The following PMFBP1 variants were observed in gnomAD, a reference collection of about 807,000 sequenced individuals.
PMFBP1 encodes polyamine modulated factor 1 binding protein 1, also known as polyamine-modulated factor 1-binding protein 1.
Under a neutral mutation model 137.8 loss-of-function variants are expected in PMFBP1, and 131 were observed. The ratio of observed to expected loss-of-function variants is 0.95; its 90% CI spans 0.82 to 1.10. The LOEUF (loss-of-function observed/expected upper bound fraction) is 1.10. Ranked by LOEUF, PMFBP1 falls within the 50% of genes least tolerant of loss-of-function variation. PMFBP1 has a pLI of 0.00. For synonymous variants in PMFBP1, 490 were observed against 450.4 expected (o/e 1.09, Z -1.11); for missense variants, 1,199 against 1,175.4 (o/e 1.02, Z -0.29).
At chr16:72,116,662 G>A (rs1489369364), downstream of PMFBP1, among the ~76,000 whole-genome samples, 1 of 150,616 alleles carries the variant, frequency 6.6e-6, no homozygotes, top group East Asian at 1.9e-4. Context: ...GTTAATTTTT[G>A]TATAAGGTAT....
chr16:72,130,178 A>G, intron 12 of PMFBP1, 35 bp downstream of exon 12: 4 of 1,606,452 alleles, frequency 2.5e-6, no homozygotes, highest in Non-Finnish European at 3.4e-6. Flanking sequence ...AAGCAGAGCA[A>G]GCACTTGAAT....
chr16:72,135,288 G>A (rs1174662029), intron 9 of PMFBP1, among the ~76,000 whole-genome samples: 3 of 151,564 alleles, frequency 2.0e-5, no homozygotes, highest in Non-Finnish European at 4.4e-5. Context: ...CCATTCTCCT[G>A]CCTCAGCCTC....
intron 17 of PMFBP1, among the ~76,000 whole-genome samples, chr16:72,124,153 A>G (rs2042417853): frequency 6.6e-6 from 1 of 152,148 alleles, no homozygotes; most frequent in Admixed American, 6.5e-5. Flanking sequence ...TGGGACCACA[A>G]GCATAGGCCA....
chr16:72,149,113 C>T (rs1026710007), intron 5 of PMFBP1, among the ~76,000 whole-genome samples: 3 of 152,174 alleles, frequency 2.0e-5, no homozygotes, highest in Non-Finnish European at 4.4e-5. Context: ...TCCCTAAAAA[C>T]GTCCTGCACA....
At chr16:72,128,272 T>C (rs753387726) in intron 14 of PMFBP1, 62 of 789,960 alleles carry the variant, frequency 7.8e-5, no homozygotes, top group Non-Finnish European at 7.8e-5. Context: ...TTTTTACTTG[T>C]GTAATGAAAA....
intron 5 of PMFBP1, among the ~76,000 whole-genome samples, chr16:72,140,893 G>T (rs1257417947): frequency 1.5e-5 from 2 of 136,696 alleles, no homozygotes; most frequent in African/African-American, 2.7e-5. Flanking sequence ...ATGCATATTT[G>T]CATAAAAATC....
chr16:72,126,024 C>T lies in PMFBP1; in HGVS notation c.2197G>A (p.Ala733Thr). ...QTTITKEAYD[A>T]LSRKSAACQD... ...CAGGCGGCTGACTTCCGGGATAATGCATCATAGGCTTCTTTGGTGATGGTA... is the reference window on the plus strand; with the variant it reads ...CAGGCGGCTGACTTCCGGGATAATGTATCATAGGCTTCTTTGGTGATGGTA... The change falls in exon 15 of 21, where the codon GCA (alanine) becomes ACA (threonine). Residue 733 changes from alanine (A) to threonine (T), a missense_variant. Coordinates refer to ENST00000237353, the MANE Select transcript of PMFBP1 (RefSeq NM_031293.3). 1 of 1,614,206 alleles carries T rather than the reference C, an allele frequency of 6.2e-7. No homozygotes were observed. The highest frequency in any genetic ancestry group is 8.5e-7 in the Non-Finnish European group (1 of 1,180,024).
chr16:72,243,930 G>A, the PMFBP1 span, among the ~76,000 whole-genome samples: 1 of 152,102 alleles, frequency 6.6e-6, no homozygotes, highest in Non-Finnish European at 1.5e-5. Context: ...ATTTTAATGA[G>A]CCCTAAAGGT....
At chr16:72,204,322 G>C in the PMFBP1 span, among the ~76,000 whole-genome samples, 2 of 151,908 alleles carry the variant, frequency 1.3e-5, no homozygotes, top group Admixed American at 1.3e-4. Flanking sequence ...TGAGCTGCTG[G>C]GAATACTTTT....
At chr16:72,157,278 A>G (rs77246915) in intron 3 of PMFBP1, among the ~76,000 whole-genome samples, 1 of 151,810 alleles carries the variant, frequency 6.6e-6, no homozygotes, top group African/African-American at 2.4e-5. Context: ...AAGCAAGTAT[A>G]TATGTAGTGT....
chr16:72,132,974 A>T lies in PMFBP1; in HGVS notation c.1221T>A (p.Asp407Glu). 1 of 1,612,808 alleles carries T rather than the reference A, an allele frequency of 6.2e-7. No homozygotes were observed. Among genetic ancestry groups the T allele is most frequent in the Non-Finnish European group, 8.5e-7 (1 of 1,178,996 alleles). The change falls in exon 10 of 21, where the codon GAT becomes GAA. Residue 407 changes from aspartate to glutamate, a missense_variant. Physicochemically the swap from Asp to Glu is conservative, Grantham distance 45. Coordinates refer to ENST00000237353, the MANE Select transcript of PMFBP1 (RefSeq NM_031293.3). ...TCTTCTCCAGCTCTTGCAGCATCTC[A>T]TCTTTCTCTTGGAGGAACTGAAGAC... ...LKKDKFLQEKDEMLQELEKKL... is the reference protein window; with the variant it reads ...LKKDKFLQEKEEMLQELEKKL...
chr16:72,138,904 A>G (rs2042672940), intron 7 of PMFBP1, among the ~76,000 whole-genome samples: 1 of 135,716 alleles, frequency 7.4e-6, no homozygotes, highest in Non-Finnish European at 1.5e-5. Context: ...TTGCAAACAC[A>G]GAGTTCTCAA....
intron 9 of PMFBP1, among the ~76,000 whole-genome samples, chr16:72,135,161 A>G (rs1387776409): frequency 6.6e-6 from 1 of 152,078 alleles, no homozygotes; most frequent in African/African-American, 2.4e-5. Context: ...CAGTCTATCA[A>G]CTGGATGATG....
chr16:72,117,053 A>AT (rs2042315467), downstream of PMFBP1, among the ~76,000 whole-genome samples: 2 of 151,778 alleles, frequency 1.3e-5, no homozygotes, highest in African/African-American at 4.8e-5. Flanking sequence ...AAAAAAAAAA[A>AT]ATTGGGATTT....
rs576978711 is a variant in PMFBP1, at chr16:72,124,279, G to C, written c.2589+488C>G. On this transcript the variant is annotated intron_variant, in intron 17 of 20. Coordinates refer to ENST00000237353, the MANE Select transcript of PMFBP1 (RefSeq NM_031293.3). ...TCCTGCCTTGGCCTCCCAAAGTGTA[G>C]GGACTGCAGGCATGAGCCACTGTGC... 1.6e-4 allele frequency among the ~76,000 whole-genome samples: 25 copies of C among 152,370 alleles called. 1 individual carries two copies. In the South Asian group the frequency reaches 4.3e-3, roughly 26 times the overall value.
chr16:72,232,714 T>C, the PMFBP1 span, among the ~76,000 whole-genome samples: 1 of 152,088 alleles, frequency 6.6e-6, no homozygotes. Flanking sequence ...CAAACTTCAA[T>C]TTGAGGGGAC....
At chr16:72,198,855 G>A in the PMFBP1 span, among the ~76,000 whole-genome samples, 1 of 150,206 alleles carries the variant, frequency 6.7e-6, no homozygotes, top group African/African-American at 2.5e-5. Context: ...CTACCAGGAG[G>A]TACGGCCGCC....
At chr16:72,216,989 C>T in the PMFBP1 span, among the ~76,000 whole-genome samples, 5,278 of 152,236 alleles carry the variant, frequency 0.035, 294 homozygotes, top group African/African-American at 0.12. Context: ...CCAGAGACCC[C>T]GGACTCTGAG....
intron 4 of PMFBP1, among the ~76,000 whole-genome samples, chr16:72,152,347 C>G (rs908090928): frequency 2.0e-5 from 3 of 152,156 alleles, no homozygotes; most frequent in Non-Finnish European, 2.9e-5. Flanking sequence ...AACCTTGACT[C>G]TACTGGGGGC....
Sources: allele counts gnomAD v4.1 joint callset (sites outside exome capture counted in the v4.1 genomes callset), GRCh38; gene constraint gnomAD v4.1.1; transcripts MANE v1.5; gene names NCBI Gene and HGNC (gene_info 2026-07-23, HGNC 2026-07-21).